The following PRKN variants were observed in gnomAD, a reference collection of about 807,000 sequenced individuals.
PRKN encodes parkin RBR E3 ubiquitin protein ligase.
In PRKN, 56 loss-of-function variants were observed where a neutral mutation model predicts 59.5. The observed-to-expected ratio is 0.94, with a 90% CI of 0.76 to 1.18. The LOEUF is 1.18. Among genes scored for constraint, PRKN ranks in the 50% most tolerant of loss-of-function variants. The probability of loss-of-function intolerance (pLI) is 0.00; values close to 1 mark genes in which losing one functional copy is unlikely to be tolerated. For synonymous variants in PRKN, 250 were observed against 222.1 expected (o/e 1.13, Z -1.12); for missense variants, 657 against 596.4 (o/e 1.10, Z -1.06).
At chr6:162,112,441 T>A (rs937757147) in intron 4 of PRKN, among the ~76,000 whole-genome samples, 3 of 152,186 alleles carry the variant, frequency 2.0e-5, no homozygotes, top group Admixed American at 6.5e-5. Context: ...TTAAAAAAGA[T>A]AAAGTAACAC....
In PRKN at chr6:161,696,163, A is replaced by G. The variant is rs77825840; in HGVS notation, c.871+89609T>C. On this transcript the variant is annotated intron_variant, in intron 7 of 11. Transcript: ENST00000366898. Reference sequence around the variant, plus strand: ...GAGAGTCAGATGACAATCAGTAGATAAAAAGGGCTTGGAAATGGTAAGCAT... The same window carrying G: ...GAGAGTCAGATGACAATCAGTAGATGAAAAGGGCTTGGAAATGGTAAGCAT... Among the ~76,000 whole-genome samples, 895 of 152,354 alleles carry G rather than the reference A, an allele frequency of 5.9e-3. 9 individuals carry two copies. The highest frequency in any genetic ancestry group is 0.02 in the African/African-American group (834 of 41,590).
chr6:162,260,427 A>G (rs1779841049), intron 3 of PRKN, among the ~76,000 whole-genome samples: 2 of 152,194 alleles, frequency 1.3e-5, no homozygotes, highest in Non-Finnish European at 1.5e-5. Context: ...CAATTTAAAA[A>G]TATAAAGAGA....
chr6:161,964,205 G>GT (rs752940450), intron 6 of PRKN, among the ~76,000 whole-genome samples: 27 of 152,038 alleles, frequency 1.8e-4, no homozygotes, highest in South Asian at 4.1e-4. Flanking sequence ...GTGATCAGAT[G>GT]TAATTTTTTT....
intron 6 of PRKN, among the ~76,000 whole-genome samples, chr6:161,808,920 A>G (rs1338690714): frequency 6.6e-6 from 1 of 152,172 alleles, no homozygotes; most frequent in African/African-American, 2.4e-5. Context: ...AGTTCGCTGT[A>G]GCCTCAAACT....
chr6:162,696,166 G>C (rs1777958809), intron 1 of PRKN, among the ~76,000 whole-genome samples: 3 of 152,056 alleles, frequency 2.0e-5, no homozygotes, highest in African/African-American at 7.2e-5. Context: ...CATTAAAAAG[G>C]CAAAAAATGT....
At chr6:162,365,153 C>T (rs1281576142) in intron 2 of PRKN, among the ~76,000 whole-genome samples, 1 of 151,732 alleles carries the variant, frequency 6.6e-6, no homozygotes, top group Non-Finnish European at 1.5e-5. Context: ...AAAAAAATCA[C>T]ACAAAAGTGT....
chr6:162,072,065 A>G (rs1778599025), intron 4 of PRKN, among the ~76,000 whole-genome samples: 1 of 152,184 alleles, frequency 6.6e-6, no homozygotes, highest in South Asian at 2.1e-4. Context: ...AAAAAGTGAC[A>G]CACATTTTGC....
rs1790102715 is a variant in PRKN, at chr6:161,459,227, GAC to G, written c.1084-72352_1084-72351del. Reference sequence around the variant, plus strand: ...TTACAGTGGAAACCTGATCGAACTTGACAGTCAGTGTGTTTGTGGGCTTCTCT... The same window carrying G: ...TTACAGTGGAAACCTGATCGAACTTGAGTCAGTGTGTTTGTGGGCTTCTCT... On this transcript the variant is annotated intron_variant, in intron 9 of 11. Transcript: ENST00000366898. The surrounding 1 kb of genome is among the most constrained non-coding windows in gnomAD (Gnocchi z 4.8). Among the ~76,000 whole-genome samples, 4 of 152,166 alleles carry G rather than the reference GAC, an allele frequency of 2.6e-5. No individual in the cohort carries two copies.
chr6:162,603,314 A>G (rs1019040885), intron 1 of PRKN, among the ~76,000 whole-genome samples: 2 of 152,156 alleles, frequency 1.3e-5, no homozygotes, highest in African/African-American at 4.8e-5. Flanking sequence ...CTTAACTACC[A>G]AAAAAGTTGA....
At chr6:162,685,300 G>C (rs1779928021) in intron 1 of PRKN, among the ~76,000 whole-genome samples, 1 of 152,048 alleles carries the variant, frequency 6.6e-6, no homozygotes, top group Non-Finnish European at 1.5e-5. Context: ...GTACATTTTT[G>C]ACTAGAGATA....
intron 1 of PRKN, among the ~76,000 whole-genome samples, chr6:162,609,590 T>C (rs944854811): frequency 2.0e-5 from 3 of 152,202 alleles, no homozygotes; most frequent in East Asian, 3.8e-4. Context: ...TTTTAGGTAA[T>C]CTCTCATTAT....
chr6:162,090,156 GT>G (rs201423109), intron 4 of PRKN, among the ~76,000 whole-genome samples: 6,943 of 152,150 alleles, frequency 0.046, 241 homozygotes, highest in Middle Eastern at 0.088. Flanking sequence ...GTGTGTGTGT[GT>G]CTGTGTACAG....
chr6:161,621,504 AT>A (rs1356881122), intron 7 of PRKN, among the ~76,000 whole-genome samples: 12 of 151,956 alleles, frequency 7.9e-5, no homozygotes, highest in Non-Finnish European at 5.9e-5. Flanking sequence ...AGAGAAACTA[AT>A]TTGTTTTCCT....
rs141215274 is a variant in PRKN, at chr6:162,077,458, C to T, written c.535-23284G>A. On this transcript the variant is annotated intron_variant, in intron 4 of 11. Coordinates refer to ENST00000366898, the MANE Select transcript of PRKN (RefSeq NM_004562.3). ...GACTGCACTTCTACTGCCCCATGCACGTTTGCCACTTTATGGCTGTTTATT... is the reference window on the plus strand; with the variant it reads ...GACTGCACTTCTACTGCCCCATGCATGTTTGCCACTTTATGGCTGTTTATT... Among the ~76,000 whole-genome samples the T allele has an allele frequency of 3.7e-3, 559 of 152,134 alleles. 10 individuals are homozygous for T. The highest frequency in any genetic ancestry group is 0.013 in the African/African-American group (531 of 41,460).
chr6:161,432,809 A>G (rs906879256), intron 9 of PRKN, among the ~76,000 whole-genome samples: 6 of 152,174 alleles, frequency 3.9e-5, no homozygotes, highest in African/African-American at 1.4e-4. Flanking sequence ...ATATTTTATC[A>G]AGAGATGCTT....
chr6:162,615,613 C>A (rs1285411228), intron 1 of PRKN, among the ~76,000 whole-genome samples: 1 of 152,144 alleles, frequency 6.6e-6, no homozygotes, highest in Non-Finnish European at 1.5e-5. Flanking sequence ...TTTTGTTTCC[C>A]TAAAACTGAT....
intron 4 of PRKN, among the ~76,000 whole-genome samples, chr6:162,092,501 A>C (rs1779541035): frequency 6.6e-6 from 1 of 152,218 alleles, no homozygotes; most frequent in Admixed American, 6.5e-5. Flanking sequence ...TCCTATTGTA[A>C]GTCTACTGCT....
At chr6:162,528,200 T>C (rs949644018) in intron 1 of PRKN, among the ~76,000 whole-genome samples, 3 of 151,892 alleles carry the variant, frequency 2.0e-5, no homozygotes, top group South Asian at 2.1e-4. Context: ...TGGGTGCCTG[T>C]AATCCCAGCT....
rs1554305870 is a variant in PRKN, at chr6:161,785,798, T to C, written c.845A>G (p.Gln282Arg). 3 of 1,614,090 alleles carry C rather than the reference T, an allele frequency of 1.9e-6. No individual in the cohort carries two copies. The highest frequency in any genetic ancestry group is 2.5e-6 in the Non-Finnish European group (3 of 1,179,996). ...CACACAAGGCAGGGAGTAGCCAAGT[T>C]GAGGGTCGTGAACAAACTGCCGATC... Reference protein sequence around the residue: ...LNDRQFVHDPQLGYSLPCVAG... With the variant: ...LNDRQFVHDPRLGYSLPCVAG... Residue 282 changes from glutamine (Q) to arginine (R), a missense_variant, in exon 7 of 12, where the codon CAA (glutamine) becomes CGA (arginine). Coordinates refer to ENST00000366898, the MANE Select transcript of PRKN (RefSeq NM_004562.3).
Sources: allele counts gnomAD v4.1 joint callset (sites outside exome capture counted in the v4.1 genomes callset), GRCh38; gene constraint gnomAD v4.1.1; non-coding constraint Gnocchi (gnomAD v3.1); transcripts MANE v1.5; gene names NCBI Gene and HGNC (gene_info 2026-07-23, HGNC 2026-07-21).